The following SIX4 variants were observed in gnomAD, a reference collection of about 807,000 sequenced individuals.
The protein encoded by SIX4 is homeobox protein SIX4.
Under a neutral mutation model 51.5 loss-of-function variants are expected in SIX4, and 23 were observed. That is an observed-to-expected ratio of 0.45 (90% CI 0.32 to 0.63). The LOEUF (loss-of-function observed/expected upper bound fraction) is 0.63, where lower values mean the gene tolerates loss of function less well. SIX4 is among the 30% of genes least tolerant of loss of function. The pLI is 0.04. For missense variants in SIX4, 867 were observed against 984.0 expected, an observed-to-expected ratio of 0.88 and a Z score of 1.59; for synonymous variants, 413 against 417.3, an observed-to-expected ratio of 0.99 and a Z score of 0.13.
rs1594701128 is a variant in SIX4, at chr14:60,722,622, G to C, written c.863+590C>G. The stretch of plus-strand genomic sequence containing the variant: ...TAACTCTGTCATATGAAACCTCGAC[G>C]TTCCGAGACCCCTTCTGCGCCGCCA... On this transcript the variant is annotated intron_variant, in intron 1 of 2. Coordinates refer to ENST00000216513, the MANE Select transcript of SIX4 (RefSeq NM_017420.5). This position sits in a 1 kb window ranked among gnomAD's most constrained non-coding sequence, Gnocchi z 5.9. Among the ~76,000 whole-genome samples the C allele has an allele frequency of 1.3e-5, 2 of 152,238 alleles. No homozygotes were observed. Among genetic ancestry groups the C allele is most frequent in the South Asian group, 4.2e-4 (2 of 4,814 alleles).
In SIX4 at chr14:60,724,036, C is replaced by G; in HGVS notation, c.39G>C (p.Ala13=). The G allele has an allele frequency of 6.5e-7, 1 of 1,530,618 alleles. No homozygotes were observed. The highest frequency in any genetic ancestry group is 8.8e-7 in the Non-Finnish European group (1 of 1,139,178). 94.8% of individuals were successfully genotyped at this position (1,530,618 alleles called of 1,614,324 possible). ...SSSPTGQIAS[A]ADIKQENGME... ...TCCCATTCTCTTGCTTGATGTCCGC[C>G]GCACTTGCGATCTGCCCGGTGGGGG... The change falls in exon 1 of 3, where the codon GCG becomes GCC. Residue 13 remains alanine (A), a synonymous_variant. Coordinates refer to ENST00000216513, the MANE Select transcript of SIX4 (RefSeq NM_017420.5).
intron 1 of SIX4, among the ~76,000 whole-genome samples, chr14:60,721,526 T>A (rs898093342): frequency 3.9e-5 from 6 of 151,902 alleles, no homozygotes; most frequent in Non-Finnish European, 8.8e-5. Context: ...TGAGCCGCCG[T>A]CGCCGTCTGC....
Position 60,713,393 on chromosome 14 carries a change from G to A in SIX4, c.*14C>T, listed in dbSNP as rs747915109. The A allele has an allele frequency of 1.3e-6, 2 of 1,564,310 alleles. No individual in the cohort carries two copies. The highest frequency in any genetic ancestry group is 1.4e-5 in the African/African-American group (1 of 72,912). ...TGCCGCTGATGCCAAAAAGAGGTGA[G>A]GAGGAAATAAAGTTCATAAGTCTTG... On this transcript the variant is annotated 3_prime_UTR_variant, in exon 3 of 3. Coordinates refer to ENST00000216513, the MANE Select transcript of SIX4 (RefSeq NM_017420.5).
In SIX4 at chr14:60,713,723, G is replaced by C; in HGVS notation, c.2030C>G (p.Ser677Ter). 5.6e-6 allele frequency: 9 copies of C among 1,614,232 alleles called. No individual in the cohort carries two copies. The highest frequency in any genetic ancestry group is 7.6e-6 in the Non-Finnish European group (9 of 1,180,042). Residue 677 changes from serine (S) to a stop codon, truncating the protein, a stop_gained, in exon 3 of 3, where the codon TCA (serine) becomes TGA (stop). Coordinates refer to ENST00000216513, the MANE Select transcript of SIX4 (RefSeq NM_017420.5). LOFTEE classifies it high-confidence loss of function. ...AAGGGCAGCCTGAGTCATAGGGACT[G>C]ACAATAGGTCTTGACCAGTAATAAG... The part of the protein sequence containing the change: ...CSLITGQDLL[S>*]VPMTQAALGE...
chr14:60,722,260 A>G lies in SIX4; in HGVS notation c.863+952T>C, dbSNP rs1446868594. On this transcript the variant is annotated intron_variant, in intron 1 of 2. Coordinates refer to ENST00000216513, the MANE Select transcript of SIX4 (RefSeq NM_017420.5). This position sits in a 1 kb window ranked among gnomAD's most constrained non-coding sequence, Gnocchi z 5.9. ...AGTGTCTGACTCGGGAGGACGCACA[A>G]AAGAGGTGGAAAATCCGGTATTTTT... Among the ~76,000 whole-genome samples, 2 of 152,210 alleles carry G rather than the reference A, an allele frequency of 1.3e-5. No individual in the cohort carries two copies. Among genetic ancestry groups the G allele is most frequent in the African/African-American group, 4.8e-5 (2 of 41,462 alleles).
At chr14:60,723,177 G>A (rs754475495) in intron 1 of SIX4, 35 bp downstream of exon 1, 1 of 1,523,590 alleles carries the variant, frequency 6.6e-7, no homozygotes, top group Non-Finnish European at 8.9e-7. Context: ...GGGTGGGGGA[G>A]AGGAAGGGGG....
upstream of SIX4, chr14:60,724,351 CA>C: frequency 7.1e-7 from 1 of 1,417,034 alleles, no homozygotes; most frequent in Non-Finnish European, 9.4e-7. Context: ...TACTATATGG[CA>C]GTGGCGGCCG....
chr14:60,723,182 AG>A, intron 1 of SIX4, 29 bp downstream of exon 1: 1 of 1,334,232 alleles, frequency 7.5e-7, no homozygotes. Flanking sequence ...GGGGAGAGGA[AG>A]GGGGAGGAGG....
intron 2 of SIX4, among the ~76,000 whole-genome samples, chr14:60,716,250 T>A (rs772635850): frequency 3.4e-4 from 51 of 151,554 alleles, no homozygotes; most frequent in Admixed American, 7.9e-4. Context: ...CCCAGCTAAT[T>A]TAAAAAAAAA....
Position 60,717,095 on chromosome 14 carries a change from A to G in SIX4, c.1549+2665T>C, listed in dbSNP as rs116022243. ...TTATTTATTTATTTATTTTTGAGAT[A>G]AGGGGTTTTGCTCTTGTTGCCCAGG... is the stretch of plus-strand genomic sequence containing the variant. On this transcript the variant is annotated intron_variant, in intron 2 of 2. Transcript: ENST00000216513. The surrounding 1 kb of genome is among the most constrained non-coding windows in gnomAD (Gnocchi z 4.6). 2,106 of 323,236 alleles carry G rather than the reference A, an allele frequency of 6.5e-3. 43 individuals carry two copies. The highest frequency in any genetic ancestry group is 0.045 in the African/African-American group (1,974 of 43,776). 20.0% of individuals were successfully genotyped at this position (323,236 alleles called of 1,614,324 possible).
rs564623336 is a variant in SIX4, at chr14:60,711,938, A to C, written c.*1469T>G. The C allele has an allele frequency of 6.5e-6, 1 of 152,736 alleles. No individual in the cohort carries two copies. The highest frequency in any genetic ancestry group is 2.4e-5 in the African/African-American group (1 of 41,578). 9.5% of individuals were successfully genotyped at this position (152,736 alleles called of 1,614,324 possible). A position where few individuals can be genotyped will look rare whatever the true frequency, so the allele number is the denominator to read the frequency against. On this transcript the variant is annotated 3_prime_UTR_variant, in exon 3 of 3. Coordinates refer to ENST00000216513, the MANE Select transcript of SIX4 (RefSeq NM_017420.5). ...TACATAAATTTATTTGCATTGTTAC[A>C]TCTTGTGTTCAGAGTCTTGATAAAA...
chr14:60,724,268 T>C lies in SIX4; in HGVS notation c.-194A>G, dbSNP rs1896097958. 4 of 1,533,460 alleles carry C rather than the reference T, an allele frequency of 2.6e-6. No individual in the cohort carries two copies. The highest frequency in any genetic ancestry group is 3.5e-6 in the Non-Finnish European group (4 of 1,145,588). 95.0% of individuals were successfully genotyped at this position (1,533,460 alleles called of 1,614,324 possible). A position where few individuals can be genotyped will look rare whatever the true frequency, so the allele number is the denominator to read the frequency against. Reference sequence around the variant, plus strand: ...GCCACGCAGTCACCATTAAGATAGCTGTTAGAGCAAAGTAGTGTAAACGGA... The same window carrying C: ...GCCACGCAGTCACCATTAAGATAGCCGTTAGAGCAAAGTAGTGTAAACGGA... On this transcript the variant is annotated 5_prime_UTR_variant, in exon 1 of 3. Transcript: ENST00000216513.
Position 60,713,420 on chromosome 14 carries a change from A to C in SIX4, c.2333T>G (p.Met778Arg). ...AGGAAATAAAGTTCATAAGTCTTGC[A>C]TATCTTCATCCAGCTGGACAGTCTG... is the stretch of plus-strand genomic sequence containing the variant. ...KLQTVQLDED[M>R]QDL Residue 778 changes from methionine (M) to arginine (R), a missense_variant, in exon 3 of 3, where the codon ATG becomes AGG. Coordinates refer to ENST00000216513, the MANE Select transcript of SIX4 (RefSeq NM_017420.5). The C allele has an allele frequency of 6.3e-7, 1 of 1,598,146 alleles. No individual in the cohort carries two copies. Among genetic ancestry groups the C allele is most frequent in the African/African-American group, 1.3e-5 (1 of 74,096 alleles).
intron 1 of SIX4, 149 bp downstream of exon 1, chr14:60,723,063 G>A (rs1482299119): frequency 7.1e-7 from 1 of 1,407,696 alleles, no homozygotes; most frequent in Non-Finnish European, 9.2e-7. Flanking sequence ...CTGCCGGCCG[G>A]GGAGCGAGGT....
chr14:60,721,770 C>A (rs369096659), intron 1 of SIX4, among the ~76,000 whole-genome samples: 13 of 152,372 alleles, frequency 8.5e-5, no homozygotes, highest in African/African-American at 2.9e-4. Flanking sequence ...CCCGGCCCTG[C>A]GGATTCCGTT....
intron 2 of SIX4, among the ~76,000 whole-genome samples, chr14:60,715,490 T>C (rs529930353): frequency 9.2e-5 from 14 of 152,342 alleles, no homozygotes; most frequent in East Asian, 1.9e-4. Flanking sequence ...TTCAGTGTTG[T>C]AGTAATAGGA....
At chr14:60,721,185 C>G in intron 1 of SIX4, 2 of 982,548 alleles carry the variant, frequency 2.0e-6, no homozygotes, top group Non-Finnish European at 2.4e-6. Context: ...CAGAGGCCTT[C>G]TAACTATTAG....
rs1368054834 is a variant in SIX4, at chr14:60,710,927, T to A, written c.*2480A>T. 1.3e-5 allele frequency: 2 copies of A among 152,382 alleles called. No homozygotes were observed. The highest frequency in any genetic ancestry group is 2.9e-5 in the Non-Finnish European group (2 of 67,984). The allele number at this position is 152,382 out of a possible 1,614,324, so 9.4% of individuals were successfully genotyped here. On this transcript the variant is annotated 3_prime_UTR_variant, in exon 3 of 3. Coordinates refer to ENST00000216513, the MANE Select transcript of SIX4 (RefSeq NM_017420.5). ...GTCTTAAGTTTTGTGCTATCTTTTC[T>A]TTTTCATAAGGGAGAAAAGAGGAAG...
In SIX4 at chr14:60,720,245, A is replaced by G; in HGVS notation, c.1064T>C (p.Val355Ala). Residue 355 changes from valine to alanine, a missense_variant, in exon 2 of 3, where the codon GTA becomes GCA. Coordinates refer to ENST00000216513, the MANE Select transcript of SIX4 (RefSeq NM_017420.5). This position sits in a 1 kb window ranked among gnomAD's most constrained non-coding sequence, Gnocchi z 5.5. ...GAAGACAGGTGAAGTACTTGCAGGT[A>G]CCAAGCTTCCATTCAACAGAACTCC... is the stretch of plus-strand genomic sequence containing the variant. ...SSGVLLNGSL[V>A]PASTSPVFLN... 6.2e-7 allele frequency: 1 copy of G among 1,614,220 alleles called. No homozygotes were observed. The highest frequency in any genetic ancestry group is 8.5e-7 in the Non-Finnish European group (1 of 1,180,034).
Sources: allele counts gnomAD v4.1 joint callset (sites outside exome capture counted in the v4.1 genomes callset), GRCh38; gene constraint gnomAD v4.1.1; non-coding constraint Gnocchi (gnomAD v3.1); transcripts MANE v1.5; gene names NCBI Gene and HGNC (gene_info 2026-07-23, HGNC 2026-07-21).